GRM7: variants seen among roughly 807,000 people sequenced by gnomAD.
GRM7 encodes glutamate metabotropic receptor 7.
In GRM7, 35 loss-of-function variants were observed where a neutral mutation model predicts 84.5. That is an observed-to-expected ratio of 0.41 (90% CI 0.32 to 0.55). GRM7 has a LOEUF of 0.55. GRM7 is among the 20% of genes least tolerant of loss of function. The pLI, the probability that GRM7 is intolerant of heterozygous loss-of-function variation, is 0.19. For missense variants in GRM7, 1,003 were observed against 1,194.6 expected (o/e 0.84, Z 2.36); for synonymous variants, 487 against 455.1 (o/e 1.07, Z -0.89).
intron 8 of GRM7, among the ~76,000 whole-genome samples, chr3:7,644,193 CGTAT>C (rs1559459772): frequency 3.4e-4 from 34 of 101,362 alleles, no homozygotes; most frequent in African/African-American, 9.2e-4. Flanking sequence ...TATGTCTGTA[CGTAT>C]ATATATATGT....
intron 1 of GRM7, among the ~76,000 whole-genome samples, chr3:6,882,443 G>A (rs1380416466): frequency 2.0e-5 from 3 of 152,218 alleles, no homozygotes; most frequent in South Asian, 4.1e-4. Context: ...CTACTCCAGA[G>A]CCTAAGGCTG....
At chr3:6,957,177 A>T (rs1322544788) in intron 1 of GRM7, among the ~76,000 whole-genome samples, 1 of 152,186 alleles carries the variant, frequency 6.6e-6, no homozygotes, top group Non-Finnish European at 1.5e-5. Flanking sequence ...GCAATCCTAA[A>T]ATTTTCCATA....
chr3:6,973,481 A>G (rs1219665101), intron 1 of GRM7, among the ~76,000 whole-genome samples: 2 of 152,212 alleles, frequency 1.3e-5, no homozygotes, highest in Non-Finnish European at 2.9e-5. Flanking sequence ...ACATATATGT[A>G]TGTGTGTATA....
intron 1 of GRM7, among the ~76,000 whole-genome samples, chr3:7,116,044 C>T (rs1693020157): frequency 2.0e-5 from 3 of 152,156 alleles, no homozygotes; most frequent in South Asian, 2.1e-4. Context: ...GCAAACTTTA[C>T]AGGGAAGATG....
chr3:7,596,205 G>A (rs960558984), intron 8 of GRM7, among the ~76,000 whole-genome samples: 1 of 152,158 alleles, frequency 6.6e-6, no homozygotes, highest in African/African-American at 2.4e-5. Flanking sequence ...GACTCCACAC[G>A]TGTTGTGCGG....
At chr3:7,614,407 A>G (rs1488194271) in intron 8 of GRM7, among the ~76,000 whole-genome samples, 2 of 152,220 alleles carry the variant, frequency 1.3e-5, no homozygotes, top group Non-Finnish European at 2.9e-5. Context: ...ATGCACGTGC[A>G]AGGAACAACC....
At chr3:7,447,762 A>G (rs1697580841) in intron 5 of GRM7, among the ~76,000 whole-genome samples, 1 of 151,460 alleles carries the variant, frequency 6.6e-6, no homozygotes, top group South Asian at 2.1e-4. Flanking sequence ...TTATTTTATT[A>G]TTATACTTTA....
At chr3:6,952,985 T>C (rs1692853638) in intron 1 of GRM7, among the ~76,000 whole-genome samples, 1 of 152,198 alleles carries the variant, frequency 6.6e-6, no homozygotes, top group Non-Finnish European at 1.5e-5. Context: ...CTTAATGAAA[T>C]AAAGAAGATT....
At chr3:6,942,841 G>A (rs1223668975) in intron 1 of GRM7, among the ~76,000 whole-genome samples, 3 of 152,054 alleles carry the variant, frequency 2.0e-5, no homozygotes, top group African/African-American at 4.8e-5. Context: ...ATTTCCATAA[G>A]CATTGTATGA....
intron 1 of GRM7, among the ~76,000 whole-genome samples, chr3:7,010,310 C>G (rs1695328459): frequency 6.6e-6 from 1 of 152,116 alleles, no homozygotes; most frequent in Non-Finnish European, 1.5e-5. Context: ...AAAAATTAGC[C>G]AGGCATGGCA....
chr3:7,216,813 A>T (rs1696629405), intron 2 of GRM7, among the ~76,000 whole-genome samples: 1 of 152,214 alleles, frequency 6.6e-6, no homozygotes, highest in African/African-American at 2.4e-5. Flanking sequence ...TTAGAAACAT[A>T]GTGAACCAAA....
chr3:7,558,723 G>T (rs971804538), intron 7 of GRM7, among the ~76,000 whole-genome samples: 21 of 152,134 alleles, frequency 1.4e-4, no homozygotes, highest in African/African-American at 4.3e-4. Context: ...TCTAGATTAA[G>T]AAACTAATTA....
chr3:7,117,739 C>G (rs912842051), intron 1 of GRM7, among the ~76,000 whole-genome samples: 2 of 152,164 alleles, frequency 1.3e-5, no homozygotes, highest in Non-Finnish European at 2.9e-5. Flanking sequence ...TGAGCAAATC[C>G]TTAGTCAATC....
chr3:7,646,985 T>A (rs544251293), intron 8 of GRM7, among the ~76,000 whole-genome samples: 70 of 152,278 alleles, frequency 4.6e-4, no homozygotes, highest in Admixed American at 1.6e-3. Flanking sequence ...GTGAACTGGG[T>A]CAAGGGCCAA....
At chr3:7,189,454 T>C (rs996461410) in intron 2 of GRM7, among the ~76,000 whole-genome samples, 2 of 152,194 alleles carry the variant, frequency 1.3e-5, no homozygotes, top group South Asian at 2.1e-4. Flanking sequence ...ATTAATGCTG[T>C]AAATATTTTA....
intron 9 of GRM7, among the ~76,000 whole-genome samples, chr3:7,739,164 T>A (rs560462041): frequency 4.6e-5 from 7 of 152,348 alleles, no homozygotes; most frequent in African/African-American, 1.7e-4. Context: ...GAATCCCAAT[T>A]TTTAATCCAG....
At chr3:7,662,746 T>A (rs1416853152) in intron 8 of GRM7, among the ~76,000 whole-genome samples, 2 of 152,204 alleles carry the variant, frequency 1.3e-5, no homozygotes, top group South Asian at 4.1e-4. Flanking sequence ...AGATGGTGAA[T>A]CTGCATGCAG....
At chr3:7,343,296 T>C (rs1575193692) in intron 4 of GRM7, among the ~76,000 whole-genome samples, 1 of 152,200 alleles carries the variant, frequency 6.6e-6, no homozygotes, top group East Asian at 1.9e-4. Context: ...TGCGGTAGCA[T>C]GGTCATGGCT....
chr3:7,239,693 G>A (rs1697477682), intron 2 of GRM7, among the ~76,000 whole-genome samples: 1 of 152,092 alleles, frequency 6.6e-6, no homozygotes, highest in East Asian at 1.9e-4. Flanking sequence ...TTTTTGATCT[G>A]GGAAAATTTT....
Sources: allele counts gnomAD v4.1 joint callset (sites outside exome capture counted in the v4.1 genomes callset), GRCh38; gene constraint gnomAD v4.1.1; transcripts MANE v1.5; gene names NCBI Gene and HGNC (gene_info 2026-07-23, HGNC 2026-07-21).